Variants in ERLIN2 observed in about 807,000 individuals in gnomAD.
ERLIN2 encodes ER lipid raft associated 2, also known as erlin-2.
A neutral mutation model predicts 41.5 loss-of-function variants in ERLIN2; 22 were observed. The ratio of observed to expected loss-of-function variants is 0.53; its 90% CI spans 0.38 to 0.76. The LOEUF (loss-of-function observed/expected upper bound fraction) is 0.76, where lower values mean the gene tolerates loss of function less well. ERLIN2 is among the 30% of genes least tolerant of loss of function. ERLIN2 has a pLI of 0.00. For missense variants in ERLIN2, 247 were observed against 414.3 expected (o/e 0.60, Z 3.51); for synonymous variants, 149 against 150.9 (o/e 0.99, Z 0.09).
rs187661768 is a variant in ERLIN2 at position 37,747,784 on chromosome 8, T to C, written c.425-1775T>C. 13 of 1,613,690 alleles carry C rather than the reference T, an allele frequency of 8.1e-6. No individual in the cohort carries two copies. The Admixed American group carries it at 2.0e-4, about 25-fold the overall frequency. On this transcript the variant is annotated intron_variant, in intron 6 of 11. Coordinates refer to ENST00000519638, the MANE Select transcript of ERLIN2 (RefSeq NM_007175.8). ...AGGTCTCCGCAGATACATAGTCTCT[T>C]CGTCTTCTGTGTTACAAAACTTATG...
Position 37,740,417 on chromosome 8 carries a change from C to T in ERLIN2, c.160C>T (p.Pro54Ser). The T allele has an allele frequency of 6.2e-7, 1 of 1,613,270 alleles. No homozygotes were observed. The highest frequency in any genetic ancestry group is 8.5e-7 in the Non-Finnish European group (1 of 1,179,538). ...TSGPGFHLML[P>S]FITSYKSVQT... ...CGGCCCTGGTTTCCATCTCATGCTCCCTTTCATCACATCATATAAGTCTGT... is the reference window on the plus strand; with the variant it reads ...CGGCCCTGGTTTCCATCTCATGCTCTCTTTCATCACATCATATAAGTCTGT... Residue 54 changes from proline to serine, a missense_variant, in exon 3 of 12, where the codon CCT (proline) becomes TCT (serine). Physicochemically the swap from Pro to Ser is moderately conservative, Grantham distance 74 (BLOSUM62 -1). Transcript: ENST00000519638.
chr8:37,737,639 A>G, intron 1 of ERLIN2: 1 of 464,386 alleles, frequency 2.2e-6, no homozygotes, highest in Non-Finnish European at 4.0e-6. Flanking sequence ...AACCCTACCC[A>G]GCTGGCACGG....
intron 7 of ERLIN2, 54 bp from the exon 8 acceptor site, chr8:37,749,740 G>A: frequency 1.3e-6 from 2 of 1,570,702 alleles, no homozygotes; most frequent in Admixed American, 1.7e-5. Flanking sequence ...GGAGCTGGGT[G>A]TGTCCCTCAC....
Position 37,740,266 on chromosome 8 carries a change from T to C in ERLIN2, c.108-99T>C, listed in dbSNP as rs74316734. ...GCAGCACATGTCACTCTCTATTATA[T>C]GTTTATAGGGCTGAAGGGAAAGTTG... On this transcript the variant is annotated intron_variant, in intron 2 of 11. Transcript: ENST00000519638. The C allele has an allele frequency of 9.2e-5, 74 of 807,498 alleles. No individual in the cohort carries two copies. The East Asian group carries it at 1.9e-3, about 20-fold the overall frequency. 50.0% of individuals were successfully genotyped at this position (807,498 alleles called of 1,614,324 possible).
intron 6 of ERLIN2, chr8:37,747,631 C>T (rs752649406): frequency 9.3e-6 from 15 of 1,611,434 alleles, no homozygotes; most frequent in Admixed American, 6.7e-5. Flanking sequence ...TTTCCCAAAG[C>T]CCTGGCCAAA....
rs1394135482 is a variant in ERLIN2 at position 37,754,800 on chromosome 8, A to G, written c.*685A>G. The G allele has an allele frequency of 6.6e-6, 1 of 152,384 alleles. No homozygotes were observed. The highest frequency in any genetic ancestry group is 1.5e-5 in the Non-Finnish European group (1 of 68,392). The allele number at this position is 152,384 out of a possible 1,614,324, so 9.4% of individuals were successfully genotyped here. ...GTCAGAGCTTGATCACCACAACTCA[A>G]TTATTTCGGCATCTTTTCACCTATG... is the stretch of plus-strand genomic sequence containing the variant. On this transcript the variant is annotated 3_prime_UTR_variant, in exon 12 of 12. Coordinates refer to ENST00000519638, the MANE Select transcript of ERLIN2 (RefSeq NM_007175.8).
chr8:37,747,480 A>G, intron 6 of ERLIN2: 9 of 1,612,178 alleles, frequency 5.6e-6, no homozygotes, highest in Non-Finnish European at 7.6e-6. Context: ...CATACGAGTC[A>G]GCAACTTCCC....
rs956692259 is a variant in ERLIN2 at position 37,744,253 on chromosome 8, A to G, written c.237-102A>G. The G allele has an allele frequency of 7.9e-6, 8 of 1,006,786 alleles. No homozygotes were observed. The African/African-American group carries it at 1.3e-4, about 16-fold the overall frequency. 62.4% of individuals were successfully genotyped at this position (1,006,786 alleles called of 1,614,324 possible). On this transcript the variant is annotated intron_variant, in intron 4 of 11. Transcript: ENST00000519638. ...CTTCCAACTTCCCGTGAACTCTTCT[A>G]CTCCTTTTCTGCCAAGCCCCACATC...
rs2129652137 is a variant in ERLIN2 at position 37,740,253 on chromosome 8, A to G, written c.108-112A>G. Reference sequence around the variant, plus strand: ...TGTAGCCATGGCTGCAGCACATGTCACTCTCTATTATATGTTTATAGGGCT... The same window carrying G: ...TGTAGCCATGGCTGCAGCACATGTCGCTCTCTATTATATGTTTATAGGGCT... On this transcript the variant is annotated intron_variant, in intron 2 of 11. Transcript: ENST00000519638. 3.9e-6 allele frequency: 3 copies of G among 759,514 alleles called. No individual in the cohort carries two copies. The East Asian group carries it at 8.0e-5, about 20-fold the overall frequency. The allele number at this position is 759,514 out of a possible 1,614,324, so 47.0% of individuals were successfully genotyped here. A position where few individuals can be genotyped will look rare whatever the true frequency, so the allele number is the denominator to read the frequency against.
chr8:37,749,301 T>G (rs948489172), intron 6 of ERLIN2, among the ~76,000 whole-genome samples: 1 of 152,242 alleles, frequency 6.6e-6, no homozygotes, highest in Non-Finnish European at 1.5e-5. Flanking sequence ...GCATGGTTAG[T>G]ATTTTCAGAA....
At position 37,755,554 on chromosome 8, in the gene ERLIN2, CACCCCCCACCCCCCA is replaced by C. The variant is rs1803334922; in HGVS notation, c.*1440_*1454del. On this transcript the variant is annotated 3_prime_UTR_variant, in exon 12 of 12. Transcript: ENST00000519638. ...CTTGGCCCTGTTATGAGCTGACCCC[CACCCCCCACCCCCCA>C]CCCCCCCCCCCCGCCAACTCCTATA... 4 of 28,818 alleles carry C rather than the reference CACCCCCCACCCCCCA, an allele frequency of 1.4e-4. No homozygotes were observed. The highest frequency in any genetic ancestry group is 1.6e-4 in the African/African-American group (1 of 6,202). 1.8% of individuals were successfully genotyped at this position (28,818 alleles called of 1,614,324 possible).
chr8:37,753,555 A>G, intron 11 of ERLIN2, 26 bp downstream of exon 11: 1 of 1,605,090 alleles, frequency 6.2e-7, no homozygotes, highest in Non-Finnish European at 8.5e-7. Context: ...AGCCTGATAA[A>G]AAGGAGTCTT....
intron 6 of ERLIN2, 52 bp from the exon 7 acceptor site, chr8:37,749,507 C>G: frequency 7.8e-7 from 1 of 1,278,160 alleles, no homozygotes; most frequent in Non-Finnish European, 1.1e-6. Flanking sequence ...CCTGCCCTCC[C>G]TCATCTAGAA....
intron 1 of ERLIN2, chr8:37,737,128 G>A: frequency 2.9e-6 from 1 of 350,340 alleles, no homozygotes; most frequent in Non-Finnish European, 4.0e-6. Flanking sequence ...AGTCACCATA[G>A]TTCCAGATCA....
intron 10 of ERLIN2, among the ~76,000 whole-genome samples, chr8:37,753,216 A>G (rs1418714481): frequency 1.3e-5 from 2 of 152,244 alleles, no homozygotes; most frequent in Non-Finnish European, 2.9e-5. Flanking sequence ...TGTCCTTGTC[A>G]TAGGGAGATG....
intron 2 of ERLIN2, among the ~76,000 whole-genome samples, chr8:37,739,054 A>G (rs1339237298): frequency 6.6e-6 from 1 of 152,142 alleles, no homozygotes; most frequent in Non-Finnish European, 1.5e-5. Context: ...TAAAGCAAAG[A>G]AGCACTTATA....
chr8:37,744,735 G>C (rs760401461), intron 6 of ERLIN2, 39 bp downstream of exon 6: 10 of 1,613,792 alleles, frequency 6.2e-6, no homozygotes, highest in East Asian at 2.2e-5. Context: ...GCTTAAGCAG[G>C]GTTCCTGGAA....
At chr8:37,745,376 T>C (rs897778937) in intron 6 of ERLIN2, 182 of 616,414 alleles carry the variant, frequency 3.0e-4, no homozygotes, top group Admixed American at 3.8e-4. Flanking sequence ...TAAGTAGATA[T>C]GTTTTGTCCT....
At chr8:37,746,933 C>T (rs1335201320) in intron 6 of ERLIN2, among the ~76,000 whole-genome samples, 2 of 152,160 alleles carry the variant, frequency 1.3e-5, no homozygotes, top group East Asian at 1.9e-4. Context: ...ATATAATTCA[C>T]GCTGCTTTTC....
Sources: allele counts gnomAD v4.1 joint callset (sites outside exome capture counted in the v4.1 genomes callset), GRCh38; gene constraint gnomAD v4.1.1; transcripts MANE v1.5; gene names NCBI Gene and HGNC (gene_info 2026-07-23, HGNC 2026-07-21).